Variants in SLC4A10 observed in about 807,000 individuals in gnomAD.
SLC4A10 encodes sodium-driven chloride bicarbonate exchanger.
SLC4A10 carries 42 observed loss-of-function variants against 137.7 expected under a neutral mutation model. The ratio of observed to expected loss-of-function variants is 0.30; its 90% CI spans 0.24 to 0.39. The LOEUF (loss-of-function observed/expected upper bound fraction) is 0.39, where lower values mean the gene tolerates loss of function less well. SLC4A10 is among the 10% of genes least tolerant of loss of function. The pLI, the probability that SLC4A10 is intolerant of heterozygous loss-of-function variation, is 1.00. For synonymous variants in SLC4A10, 474 were observed against 464.1 expected (o/e 1.02, Z -0.27); for missense variants, 925 against 1,355.0 (o/e 0.68, Z 4.98).
At chr2:161,919,083 C>G (rs917046136) in intron 15 of SLC4A10, among the ~76,000 whole-genome samples, 10 of 152,200 alleles carry the variant, frequency 6.6e-5, no homozygotes, top group Admixed American at 2.6e-4. Flanking sequence ...TGTGGCCAAG[C>G]CTGGGTGCTC....
chr2:161,855,974 G>T (rs79056983), intron 5 of SLC4A10, among the ~76,000 whole-genome samples: 7 of 152,040 alleles, frequency 4.6e-5, no homozygotes, highest in African/African-American at 1.7e-4. Flanking sequence ...AAAACTATAT[G>T]TGTGTTTTTA....
In SLC4A10 at chr2:161,637,768, C is replaced by A. The variant is rs1410803403; in HGVS notation, c.48+13202C>A. On this transcript the variant is annotated intron_variant, in intron 1 of 26. Coordinates refer to ENST00000446997, the MANE Select transcript of SLC4A10 (RefSeq NM_001178015.2). Reference sequence around the variant, plus strand: ...GAGAAAATCTCCACATTCTTGCCAGCATTTGTTTGTTTTCTCTTTTTGACA... The same window carrying A: ...GAGAAAATCTCCACATTCTTGCCAGAATTTGTTTGTTTTCTCTTTTTGACA... 2.6e-5 allele frequency among the ~76,000 whole-genome samples: 4 copies of A among 152,172 alleles called. No homozygotes were observed. The East Asian group carries it at 5.8e-4, about 22-fold the overall frequency.
chr2:161,682,119 A>C (rs1408318188), intron 1 of SLC4A10, among the ~76,000 whole-genome samples: 1 of 152,154 alleles, frequency 6.6e-6, no homozygotes, highest in Non-Finnish European at 1.5e-5. Flanking sequence ...ATTTTATAAA[A>C]TACCAGTCCC....
chr2:161,676,185 G>T lies in SLC4A10; in HGVS notation c.48+51619G>T, dbSNP rs73020064. On this transcript the variant is annotated intron_variant, in intron 1 of 26. Transcript: ENST00000446997. Reference sequence around the variant, plus strand: ...CAAAGCAGCCCATAATCCACCAAAAGTTAAGAACTACTTTCTGCATCAGAC... The same window carrying T: ...CAAAGCAGCCCATAATCCACCAAAATTTAAGAACTACTTTCTGCATCAGAC... Among the ~76,000 whole-genome samples, 1,006 of 152,250 alleles carry T rather than the reference G, an allele frequency of 6.6e-3. 11 individuals carry two copies. The highest frequency in any genetic ancestry group is 0.023 in the African/African-American group (958 of 41,526).
At chr2:161,918,878 C>T (rs73974512) in intron 15 of SLC4A10, among the ~76,000 whole-genome samples, 2,488 of 152,288 alleles carry the variant, frequency 0.016, 71 homozygotes, top group African/African-American at 0.057. Context: ...GGAAGCCCCG[C>T]GCCTTCTGAG....
chr2:161,766,429 G>A (rs1286499454), intron 1 of SLC4A10, among the ~76,000 whole-genome samples: 1 of 152,076 alleles, frequency 6.6e-6, no homozygotes. Context: ...TCACTGCTTA[G>A]GGGAAAACAT....
At chr2:161,976,599 A>G (rs969714496) in intron 24 of SLC4A10, among the ~76,000 whole-genome samples, 161 bp from the exon 25 acceptor site, 6 of 152,210 alleles carry the variant, frequency 3.9e-5, no homozygotes, top group Admixed American at 3.9e-4. Context: ...AAAAATAGTT[A>G]AGGTAGTAAA....
intron 1 of SLC4A10, among the ~76,000 whole-genome samples, chr2:161,738,693 T>G (rs1167219781): frequency 6.6e-6 from 1 of 152,206 alleles, no homozygotes; most frequent in East Asian, 1.9e-4. Flanking sequence ...TTCCCTTAAT[T>G]CCTTACTCGT....
chr2:161,849,818 G>A (rs1184321181), intron 4 of SLC4A10, among the ~76,000 whole-genome samples: 1 of 152,054 alleles, frequency 6.6e-6, no homozygotes, highest in Non-Finnish European at 1.5e-5. Context: ...TTTTGTGGAG[G>A]ATTTTTGCAT....
intron 1 of SLC4A10, among the ~76,000 whole-genome samples, chr2:161,766,807 G>C (rs910590189): frequency 1.3e-5 from 2 of 151,306 alleles, no homozygotes; most frequent in African/African-American, 4.9e-5. Context: ...AGCAATGGCT[G>C]TGAATCCTGT....
At position 161,873,941 on chromosome 2, in the gene SLC4A10, A is replaced by C. The variant is rs1283386085; in HGVS notation, c.884A>C (p.His295Pro). The part of the protein sequence containing the change: ...SKGLGGQQKG[H>P]TSPCGMKQRH... ...GGACTGGGAGGCCAACAAAAGGGGC[A>C]TACTAGTCCATGTGGGATGAAACAA... Residue 295 changes from histidine (H) to proline (P), a missense_variant, in exon 8 of 27, where the codon CAT (histidine) becomes CCT (proline). By Grantham distance (77) the His-to-Pro change is moderately conservative. Coordinates refer to ENST00000446997, the MANE Select transcript of SLC4A10 (RefSeq NM_001178015.2). 1 of 1,594,892 alleles carries C rather than the reference A, an allele frequency of 6.3e-7. No individual in the cohort carries two copies. Among genetic ancestry groups the C allele is most frequent in the Non-Finnish European group, 8.5e-7 (1 of 1,178,214 alleles).
intron 8 of SLC4A10, 84 bp downstream of exon 8, chr2:161,874,089 A>G (rs2061319755): frequency 2.3e-6 from 3 of 1,314,210 alleles, no homozygotes. Flanking sequence ...ACATTAAGCC[A>G]GTTGAAATGT....
intron 1 of SLC4A10, among the ~76,000 whole-genome samples, chr2:161,754,602 G>T (rs1362629659): frequency 6.6e-6 from 1 of 152,124 alleles, no homozygotes; most frequent in Non-Finnish European, 1.5e-5. Context: ...TCATGTGATT[G>T]ACTGAGTCAC....
chr2:161,765,851 C>CA (rs2050748999), intron 1 of SLC4A10, among the ~76,000 whole-genome samples: 1 of 152,048 alleles, frequency 6.6e-6, no homozygotes, highest in Non-Finnish European at 1.5e-5. Context: ...AAAAGGCTGG[C>CA]ACCTGGTGCT....
chr2:161,700,836 T>C (rs1448324232), intron 1 of SLC4A10, among the ~76,000 whole-genome samples: 1 of 152,128 alleles, frequency 6.6e-6, no homozygotes, highest in Non-Finnish European at 1.5e-5. Flanking sequence ...CGCTCTGTAG[T>C]GTCTACATTC....
chr2:161,657,168 A>G (rs1337419013), intron 1 of SLC4A10, among the ~76,000 whole-genome samples: 1 of 151,984 alleles, frequency 6.6e-6, no homozygotes, highest in Non-Finnish European at 1.5e-5. Flanking sequence ...CTTAATATAT[A>G]TGAATATTGA....
At chr2:161,857,868 T>C (rs1248143101) in intron 5 of SLC4A10, among the ~76,000 whole-genome samples, 1 of 152,162 alleles carries the variant, frequency 6.6e-6, no homozygotes, top group Non-Finnish European at 1.5e-5. Flanking sequence ...AAAAATAATT[T>C]TTTTATTAAC....
At chr2:161,754,463 A>G (rs1333428161) in intron 1 of SLC4A10, among the ~76,000 whole-genome samples, 4 of 152,218 alleles carry the variant, frequency 2.6e-5, no homozygotes, top group Non-Finnish European at 5.9e-5. Context: ...AGACTCTGAG[A>G]CATTGTTCTC....
intron 1 of SLC4A10, among the ~76,000 whole-genome samples, chr2:161,759,974 T>C (rs192689177): frequency 2.8e-4 from 42 of 152,136 alleles, no homozygotes; most frequent in Admixed American, 6.6e-4. Context: ...TGTTTTGTTA[T>C]TTTGTCATTT....
Sources: allele counts gnomAD v4.1 joint callset (sites outside exome capture counted in the v4.1 genomes callset), GRCh38; gene constraint gnomAD v4.1.1; transcripts MANE v1.5; gene names NCBI Gene and HGNC (gene_info 2026-07-23, HGNC 2026-07-21).